Variants in CFAP43 observed in about 807,000 individuals in gnomAD.
CFAP43 encodes cilia- and flagella-associated protein 43.
CFAP43 carries 155 observed loss-of-function variants against 218.9 expected under a neutral mutation model. The ratio of observed to expected loss-of-function variants is 0.71; its 90% CI spans 0.62 to 0.81. CFAP43 has a LOEUF of 0.81. CFAP43 is among the 30% of genes least tolerant of loss of function. The pLI is 0.00. For missense variants in CFAP43, 1,778 were observed against 1,954.3 expected, an observed-to-expected ratio of 0.91 and a Z score of 1.70; for synonymous variants, 645 against 681.3, an observed-to-expected ratio of 0.95 and a Z score of 0.83.
At position 104,130,092 on chromosome 10, in the gene CFAP43, G is replaced by A. The variant is rs1308152306; in HGVS notation, c.*47C>T. 1.3e-6 allele frequency: 2 copies of A among 1,529,682 alleles called. No individual in the cohort carries two copies. The highest frequency in any genetic ancestry group is 8.7e-7 in the Non-Finnish European group (1 of 1,143,302). 94.8% of individuals were successfully genotyped at this position (1,529,682 alleles called of 1,614,324 possible). ...GGAAATCATTTTACCCAAATGAAAT[G>A]ATTTTTTAAATGATTGATTTGGCCT... is the stretch of plus-strand genomic sequence containing the variant. On this transcript the variant is annotated 3_prime_UTR_variant, in exon 38 of 38. Coordinates refer to ENST00000357060, the MANE Select transcript of CFAP43 (RefSeq NM_025145.7).
At chr10:104,203,102 C>T (rs1275559036) in intron 8 of CFAP43, among the ~76,000 whole-genome samples, 3 of 152,128 alleles carry the variant, frequency 2.0e-5, no homozygotes, top group African/African-American at 7.2e-5. Flanking sequence ...GGAGAACAAC[C>T]TATGCCCCAA....
intron 4 of CFAP43, 151 bp from the exon 5 acceptor site, chr10:104,212,308 T>C: frequency 2.7e-6 from 2 of 745,720 alleles, no homozygotes; most frequent in Non-Finnish European, 4.1e-6. Context: ...TTTAAAAATA[T>C]ATAACAGGTT....
At chr10:104,145,795 A>T (rs990545513) in intron 30 of CFAP43, among the ~76,000 whole-genome samples, 2 of 152,256 alleles carry the variant, frequency 1.3e-5, no homozygotes, top group African/African-American at 4.8e-5. Flanking sequence ...AACAGGTCTT[A>T]GAAATCATCC....
At chr10:104,191,795 G>A (rs967036015) in intron 12 of CFAP43, among the ~76,000 whole-genome samples, 4 of 148,132 alleles carry the variant, frequency 2.7e-5, no homozygotes, top group Non-Finnish European at 6.0e-5. Flanking sequence ...TGTGTGGGGG[G>A]GGGGAAACAC....
intron 21 of CFAP43, 119 bp downstream of exon 21, chr10:104,168,625 G>T (rs946081942): frequency 5.6e-5 from 42 of 751,470 alleles, no homozygotes; most frequent in Admixed American, 1.1e-4. Context: ...ATAGGAAGGG[G>T]CAAGCCATGC....
At chr10:104,138,999 A>G (rs1043126987) in intron 34 of CFAP43, among the ~76,000 whole-genome samples, 1 of 152,232 alleles carries the variant, frequency 6.6e-6, no homozygotes, top group Non-Finnish European at 1.5e-5. Flanking sequence ...GATGGAAAGT[A>G]TAAGTTAAAC....
intron 34 of CFAP43, among the ~76,000 whole-genome samples, chr10:104,137,126 A>G (rs2087489603): frequency 6.6e-6 from 1 of 152,250 alleles, no homozygotes; most frequent in Non-Finnish European, 1.5e-5. Context: ...TTCTAGGTAT[A>G]TATCCCCAGA....
In CFAP43 at chr10:104,147,906, C is replaced by T. The variant is rs148719716; in HGVS notation, c.3753G>A (p.Arg1251=). Residue 1251 remains arginine (R), a synonymous_variant, in exon 29 of 38, where the codon AGG becomes AGA. Transcript: ENST00000357060. Reference sequence around the variant, plus strand: ...CTATTCTTACTTTCTCGTGCTGTTTCCTTGTAAGGTAGTTGTTCAGGAATT... The same window carrying T: ...CTATTCTTACTTTCTCGTGCTGTTTTCTTGTAAGGTAGTTGTTCAGGAATT... The part of the protein sequence containing the change: ...REKFLNNYLT[R]KQHEKSQTSE... The T allele has an allele frequency of 3.9e-5, 62 of 1,592,054 alleles. No individual in the cohort carries two copies. In the African/African-American group the frequency reaches 8.0e-4, roughly 21 times the overall value.
At chr10:104,219,246 A>C (rs769446629) in intron 3 of CFAP43, among the ~76,000 whole-genome samples, 22 of 151,806 alleles carry the variant, frequency 1.4e-4, no homozygotes, top group Non-Finnish European at 2.9e-5. Context: ...TCAGCACGAC[A>C]CCCAATATTT....
chr10:104,178,445 T>C (rs560656065), intron 19 of CFAP43, among the ~76,000 whole-genome samples: 2 of 152,346 alleles, frequency 1.3e-5, no homozygotes, highest in South Asian at 2.1e-4. Flanking sequence ...TGGCTCAGCA[T>C]TGAAGAATAT....
At chr10:104,144,893 C>T (rs965390250) in intron 31 of CFAP43, among the ~76,000 whole-genome samples, 9 of 152,174 alleles carry the variant, frequency 5.9e-5, no homozygotes, top group Admixed American at 5.2e-4. Flanking sequence ...TGGCATCTTT[C>T]AAACTTTAGG....
intron 10 of CFAP43, among the ~76,000 whole-genome samples, chr10:104,196,453 C>T (rs1011965809): frequency 3.3e-5 from 5 of 152,144 alleles, no homozygotes; most frequent in Non-Finnish European, 7.4e-5. Flanking sequence ...TCCAAAAGAC[C>T]TTTCAGCACT....
Position 104,166,525 on chromosome 10 carries a change from G to T in CFAP43, c.3002C>A (p.Ser1001Tyr). Residue 1001 changes from serine (S) to tyrosine (Y), a missense_variant, in exon 23 of 38, where the codon TCC becomes TAC. Around this residue, in one of 3 missense-constraint regions of CFAP43, gnomAD observed 1,553 missense variants for 1,685.2 expected, o/e 0.92. Coordinates refer to ENST00000357060, the MANE Select transcript of CFAP43 (RefSeq NM_025145.7). ...AATTTGGTTGATTTTCTCTTCTCTG[G>T]AATGAAGCTCCAATTGGCTTGACAA... ...SLLSSQLELH[S>Y]REEKINQIIL... is the part of the protein sequence containing the mutation. 6.2e-7 allele frequency: 1 copy of T among 1,613,830 alleles called. No individual in the cohort carries two copies.
Position 104,134,623 on chromosome 10 carries a change from G to T in CFAP43, c.4432-839C>A, listed in dbSNP as rs528058892. Among the ~76,000 whole-genome samples, 20 of 151,960 alleles carry T rather than the reference G, an allele frequency of 1.3e-4. No individual in the cohort carries two copies. The South Asian group carries it at 3.7e-3, about 28-fold the overall frequency. ...TGAAAATTCTACACCAACAAATTAG[G>T]TAACTTAGATGAAATAGAAAATTCC... On this transcript the variant is annotated intron_variant, in intron 34 of 37. Coordinates refer to ENST00000357060, the MANE Select transcript of CFAP43 (RefSeq NM_025145.7).
intron 8 of CFAP43, among the ~76,000 whole-genome samples, chr10:104,203,211 A>G (rs193095715): frequency 1.4e-4 from 22 of 152,328 alleles, no homozygotes; most frequent in African/African-American, 5.3e-4. Flanking sequence ...CTATGGTGCA[A>G]GTGATTGACC....
At chr10:104,166,340 G>A in intron 23 of CFAP43, 148 bp downstream of exon 23, 2 of 624,826 alleles carry the variant, frequency 3.2e-6, no homozygotes, top group Non-Finnish European at 5.5e-6. Context: ...CCAAAGTACT[G>A]GGATTACAGG....
intron 33 of CFAP43, among the ~76,000 whole-genome samples, chr10:104,141,447 A>C (rs572394477): frequency 6.6e-6 from 1 of 152,130 alleles, no homozygotes; most frequent in Non-Finnish European, 1.5e-5. Context: ...CCCCATCTCT[A>C]CTAACAATAC....
At chr10:104,151,708 T>C (rs192366193) in intron 28 of CFAP43, among the ~76,000 whole-genome samples, 16 of 152,332 alleles carry the variant, frequency 1.1e-4, no homozygotes, top group African/African-American at 3.6e-4. Flanking sequence ...GTGGATAGTT[T>C]CTTTTGCTGT....
intron 34 of CFAP43, among the ~76,000 whole-genome samples, chr10:104,137,732 C>T (rs989451317): frequency 6.6e-6 from 1 of 152,020 alleles, no homozygotes; most frequent in Non-Finnish European, 1.5e-5. Context: ...GTCTGGGAGG[C>T]GGAGGCTGCA....
Sources: allele counts gnomAD v4.1 joint callset (sites outside exome capture counted in the v4.1 genomes callset), GRCh38; gene constraint gnomAD v4.1.1; regional missense constraint gnomAD v4.1.1; transcripts MANE v1.5; gene names NCBI Gene and HGNC (gene_info 2026-07-23, HGNC 2026-07-21).